The following PDE7A variants were observed in gnomAD, a reference collection of about 807,000 sequenced individuals.
PDE7A encodes the protein high affinity 3',5'-cyclic-AMP phosphodiesterase 7A.
Under a neutral mutation model 64.3 loss-of-function variants are expected in PDE7A, and 39 were observed. The ratio of observed to expected loss-of-function variants is 0.61; its 90% confidence interval spans 0.47 to 0.79. The LOEUF (loss-of-function observed/expected upper bound fraction) is 0.79, where lower values mean the gene tolerates loss of function less well. Among genes scored for constraint, PDE7A ranks in the 30% least tolerant of loss-of-function variants. The pLI is 0.00. For synonymous variants in PDE7A, 203 were observed against 206.8 expected, an observed-to-expected ratio of 0.98 and a Z score of 0.16; for missense variants, 470 against 582.8, an observed-to-expected ratio of 0.81 and a Z score of 1.99.
chr8:65,787,214 C>T (rs1017726432), intron 1 of PDE7A, among the ~76,000 whole-genome samples: 1 of 152,142 alleles, frequency 6.6e-6, no homozygotes, highest in Non-Finnish European at 1.5e-5. Flanking sequence ...ACTTGCTGTG[C>T]TCCTTGTGCC....
intron 1 of PDE7A, among the ~76,000 whole-genome samples, chr8:65,791,155 T>C (rs1338979961): frequency 6.6e-6 from 1 of 152,180 alleles, no homozygotes; most frequent in Non-Finnish European, 1.5e-5. Flanking sequence ...GAGATGAAGA[T>C]TTAAAAAGAG....
chr8:65,806,742 T>C (rs1810124693), intron 1 of PDE7A, among the ~76,000 whole-genome samples: 1 of 152,232 alleles, frequency 6.6e-6, no homozygotes. Flanking sequence ...ATGTCAGAAA[T>C]GCATTCCTTT....
intron 1 of PDE7A, among the ~76,000 whole-genome samples, chr8:65,815,139 C>G (rs547407507): frequency 6.6e-6 from 1 of 151,494 alleles, no homozygotes; most frequent in East Asian, 1.9e-4. Flanking sequence ...ATAATGTTGA[C>G]AATATTTATA....
At chr8:65,821,186 A>C (rs529887722) in intron 1 of PDE7A, among the ~76,000 whole-genome samples, 48 of 152,092 alleles carry the variant, frequency 3.2e-4, no homozygotes, top group South Asian at 8.3e-4. Context: ...CAAAACAAAA[A>C]AAAACCCTTT....
intron 1 of PDE7A, among the ~76,000 whole-genome samples, chr8:65,807,026 T>C (rs140337345): frequency 1.3e-5 from 2 of 152,352 alleles, no homozygotes; most frequent in East Asian, 1.9e-4. Flanking sequence ...TTTGGGTCCC[T>C]TGCAATTCCA....
Position 65,841,380 on chromosome 8 carries a change from C to G in PDE7A, c.129G>C (p.Gln43His), listed in dbSNP as rs1360670226. ...SALFGCPNPRQLSQRRGAISY... is the reference protein window; with the variant it reads ...SALFGCPNPRHLSQRRGAISY... ...CGGCGGCGGCGATTACCTGAGAGAG[C>G]TGCCGGGGATTGGGGCAGCCGAAGA... Residue 43 changes from glutamine (Q) to histidine (H), a missense_variant, in exon 1 of 13, where the codon CAG becomes CAC. Gln to His is a conservative substitution (Grantham distance 24). Transcript: ENST00000401827. 7.1e-6 allele frequency: 11 copies of G among 1,557,366 alleles called. No individual in the cohort carries two copies. The highest frequency in any genetic ancestry group is 1.7e-4 in the Middle Eastern group (1 of 5,742).
At chr8:65,772,574 T>A (rs916707565) in intron 3 of PDE7A, among the ~76,000 whole-genome samples, 2 of 152,152 alleles carry the variant, frequency 1.3e-5, no homozygotes, top group Non-Finnish European at 2.9e-5. Flanking sequence ...ACTGATATCT[T>A]CAACTAGTGC....
At chr8:65,799,865 A>G (rs1335975353) in intron 1 of PDE7A, among the ~76,000 whole-genome samples, 2 of 152,214 alleles carry the variant, frequency 1.3e-5, no homozygotes, top group Non-Finnish European at 2.9e-5. Context: ...AAAGGCCAAA[A>G]CTCACAATTG....
At chr8:65,752,898 TC>T (rs1270478247) in intron 3 of PDE7A, among the ~76,000 whole-genome samples, 8 of 152,200 alleles carry the variant, frequency 5.3e-5, no homozygotes, top group African/African-American at 1.9e-4. Context: ...CAGTATAAAT[TC>T]TATCTTGTCG....
At chr8:65,813,983 CTT>C (rs1299624318) in intron 1 of PDE7A, among the ~76,000 whole-genome samples, 1 of 151,892 alleles carries the variant, frequency 6.6e-6, no homozygotes, top group African/African-American at 2.4e-5. Context: ...ATTTTATTCT[CTT>C]TTATTAAAAT....
At position 65,719,231 on chromosome 8, in the gene PDE7A, A is replaced by G; in HGVS notation, c.*59T>C. Reference sequence around the variant, plus strand: ...AAGAGTTAAGTTCTCTCACCTCAAGACCCCATTTCACATTTCTAAAAACCT... The same window carrying G: ...AAGAGTTAAGTTCTCTCACCTCAAGGCCCCATTTCACATTTCTAAAAACCT... On this transcript the variant is annotated 3_prime_UTR_variant, in exon 13 of 13. Transcript: ENST00000401827. 8.7e-7 allele frequency: 1 copy of G among 1,144,040 alleles called. No individual in the cohort carries two copies. Among genetic ancestry groups the G allele is most frequent in the East Asian group, 2.3e-5 (1 of 42,662 alleles). 70.9% of individuals were successfully genotyped at this position (1,144,040 alleles called of 1,614,324 possible).
At chr8:65,726,819 T>C (rs1806631819) in intron 9 of PDE7A, 56 bp downstream of exon 9, 2 of 889,264 alleles carry the variant, frequency 2.2e-6, no homozygotes, top group African/African-American at 1.7e-5. Context: ...AAAATTACTT[T>C]GCCAACTTAA....
At chr8:65,762,504 A>G (rs1423322959) in intron 3 of PDE7A, among the ~76,000 whole-genome samples, 1 of 152,150 alleles carries the variant, frequency 6.6e-6, no homozygotes, top group Admixed American at 6.5e-5. Context: ...CAATTCTGCC[A>G]CTTTTACTAG....
chr8:65,833,206 C>T (rs1252830725), intron 1 of PDE7A, among the ~76,000 whole-genome samples: 3 of 152,152 alleles, frequency 2.0e-5, no homozygotes, highest in Admixed American at 6.5e-5. Flanking sequence ...TCTCCATCTC[C>T]ATCTCTATCC....
At chr8:65,835,042 T>C (rs1810919917) in intron 1 of PDE7A, among the ~76,000 whole-genome samples, 1 of 150,874 alleles carries the variant, frequency 6.6e-6, no homozygotes, top group African/African-American at 2.5e-5. Flanking sequence ...TTGGCAACAA[T>C]ATAAAAAAAT....
At chr8:65,821,081 C>T (rs1023800881) in intron 1 of PDE7A, among the ~76,000 whole-genome samples, 3 of 152,134 alleles carry the variant, frequency 2.0e-5, no homozygotes, top group Non-Finnish European at 4.4e-5. Context: ...GAATTATCTA[C>T]TCATACTTCT....
chr8:65,772,467 T>C (rs1255445793), intron 3 of PDE7A, among the ~76,000 whole-genome samples: 1 of 152,194 alleles, frequency 6.6e-6, no homozygotes, highest in African/African-American at 2.4e-5. Flanking sequence ...AGGAAGTGAA[T>C]GGGTTTGTGG....
chr8:65,784,242 G>T (rs901057518), intron 1 of PDE7A, among the ~76,000 whole-genome samples: 22 of 151,820 alleles, frequency 1.4e-4, no homozygotes, highest in Admixed American at 5.3e-4. Context: ...TAGCACCATG[G>T]GATATTAACA....
At chr8:65,739,856 A>AT (rs1346800998) in intron 5 of PDE7A, among the ~76,000 whole-genome samples, 1 of 152,168 alleles carries the variant, frequency 6.6e-6, no homozygotes, top group African/African-American at 2.4e-5. Context: ...AAATAGATTA[A>AT]TTTTTTAAAG....
Sources: allele counts gnomAD v4.1 joint callset (sites outside exome capture counted in the v4.1 genomes callset), GRCh38; gene constraint gnomAD v4.1.1; transcripts MANE v1.5; gene names NCBI Gene and HGNC (gene_info 2026-07-23, HGNC 2026-07-21).